The following NACAD variants were observed in gnomAD, a reference collection of about 807,000 sequenced individuals.
NACAD encodes the protein NAC alpha domain containing, also known as NAC-alpha domain-containing protein 1.
A neutral mutation model predicts 98.9 loss-of-function variants in NACAD; 47 were observed. That is an observed-to-expected ratio of 0.48 (90% CI 0.38 to 0.61). The LOEUF (loss-of-function observed/expected upper bound fraction) is 0.61. Among genes scored for constraint, NACAD ranks in the 20% least tolerant of loss-of-function variants. The pLI, the probability that NACAD is intolerant of heterozygous loss-of-function variation, is 0.00. For missense variants in NACAD, 1,412 were observed against 1,748.2 expected (o/e 0.81, Z 3.43); for synonymous variants, 696 against 767.2 (o/e 0.91, Z 1.53).
At position 45,082,738 on chromosome 7, in the gene NACAD, T is replaced by C; in HGVS notation, c.3442A>G (p.Ser1148Gly). ...GAAGACTCTGGGCAGGAGTCCAGACTGGCCTCTGTGGCCACAGCTGAGGGA... is the reference window on the plus strand; with the variant it reads ...GAAGACTCTGGGCAGGAGTCCAGACCGGCCTCTGTGGCCACAGCTGAGGGA... ...TLPSAVATEA[S>G]LDSCPESSVG... Residue 1148 changes from serine (S) to glycine (G), a missense_variant, in exon 2 of 8, where the codon AGT becomes GGT. Ser to Gly is a moderately conservative substitution (Grantham distance 56). Around this residue, in one of 5 missense-constraint regions of NACAD, gnomAD observed 572 missense variants for 639.6 expected, o/e 0.89. Coordinates refer to ENST00000490531, the MANE Select transcript of NACAD (RefSeq NM_001146334.2). This position sits in a 1 kb window ranked among gnomAD's most constrained non-coding sequence, Gnocchi z 4.5. 1 of 1,543,442 alleles carries C rather than the reference T, an allele frequency of 6.5e-7. No individual in the cohort carries two copies. The highest frequency in any genetic ancestry group is 2.4e-5 in the East Asian group (1 of 40,852).
At position 45,082,584 on chromosome 7, in the gene NACAD, C is replaced by T. The variant is rs1218814898; in HGVS notation, c.3596G>A (p.Ser1199Asn). The T allele has an allele frequency of 1.3e-6, 2 of 1,542,782 alleles. No individual in the cohort carries two copies. Among genetic ancestry groups the T allele is most frequent in the East Asian group, 2.4e-5 (1 of 40,828 alleles). Residue 1199 changes from serine to asparagine, a missense_variant, in exon 2 of 8, where the codon AGT becomes AAT. Coordinates refer to ENST00000490531, the MANE Select transcript of NACAD (RefSeq NM_001146334.2). This position sits in a 1 kb window ranked among gnomAD's most constrained non-coding sequence, Gnocchi z 4.5. ...CTGCAGCAAGGGGGTGCCAAGGACA[C>T]TGGGTACTTCGTGGGGTTGCTCAAC... is the stretch of plus-strand genomic sequence containing the variant. ...GSVEQPHEVP[S>N]VLGTPLLQPP...
rs764877585 is a variant in NACAD at position 45,085,766 on chromosome 7, C to G, written c.414G>C (p.Ala138=). 3 of 1,548,728 alleles carry G rather than the reference C, an allele frequency of 1.9e-6. No homozygotes were observed. The highest frequency in any genetic ancestry group is 1.2e-5 in the South Asian group (1 of 83,798). ...CGTGCCCACCCTCCTGGTCCCTGAG[C>G]GCTGTCCGGGCAGCTCTGGGTGACA... ...ALLSPRAART[A]LRDQEGGHAS... The change falls in exon 2 of 8, where the codon GCG becomes GCC. Residue 138 remains alanine, a synonymous_variant. Coordinates refer to ENST00000490531, the MANE Select transcript of NACAD (RefSeq NM_001146334.2). The surrounding 1 kb of genome is among the most constrained non-coding windows in gnomAD (Gnocchi z 6.1).
At position 45,088,733 on chromosome 7, in the gene NACAD, G is replaced by T. The variant is rs371752053; in HGVS notation, c.67+95C>A. Reference sequence around the variant, plus strand: ...GAGGGGACTCGAGGGGGGCCAGGGGGATGGGGGAGAGGGGTGAAAGGTGAG... The same window carrying T: ...GAGGGGACTCGAGGGGGGCCAGGGGTATGGGGGAGAGGGGTGAAAGGTGAG... On this transcript the variant is annotated intron_variant, in intron 1 of 7. Coordinates refer to ENST00000490531, the MANE Select transcript of NACAD (RefSeq NM_001146334.2). The surrounding 1 kb of genome is among the most constrained non-coding windows in gnomAD (Gnocchi z 5.7). 6 of 1,052,772 alleles carry T rather than the reference G, an allele frequency of 5.7e-6. No individual in the cohort carries two copies. The highest frequency in any genetic ancestry group is 7.6e-6 in the Non-Finnish European group (6 of 786,386). The allele number at this position is 1,052,772 out of a possible 1,614,324, so 65.2% of individuals were successfully genotyped here.
rs1562928625 is a variant in NACAD at position 45,085,246 on chromosome 7, GTA to G, written c.932_933del (p.Leu311ProfsTer42). 6.4e-7 allele frequency: 1 copy of G among 1,551,440 alleles called. No homozygotes were observed. The highest frequency in any genetic ancestry group is 2.0e-5 in the Admixed American group (1 of 51,012). ...TGAAAGATGAGGCTGCCCTGGAAGG[GTA>G]GGAGGGCTGCGGGGATCATTGGGTC... ...ANDPMIPAAL[L>X]PFQGSLIFQV... On this transcript the variant is annotated frameshift_variant, in exon 2 of 8. Transcript: ENST00000490531. LOFTEE classifies it high-confidence loss of function. This position sits in a 1 kb window ranked among gnomAD's most constrained non-coding sequence, Gnocchi z 6.1.
Position 45,085,690 on chromosome 7 carries a change from G to A in NACAD, c.490C>T (p.Pro164Ser). Residue 164 changes from proline (P) to serine (S), a missense_variant, in exon 2 of 8, where the codon CCT becomes TCT. By Grantham distance (74) the Pro-to-Ser change is moderately conservative. Coordinates refer to ENST00000490531, the MANE Select transcript of NACAD (RefSeq NM_001146334.2). The surrounding 1 kb of genome is among the most constrained non-coding windows in gnomAD (Gnocchi z 6.1). ...ELCSQGDLSV[P>S]SPPPDPDSFF... ...GAATCAGGGTCTGGGGGAGGGGAAG[G>A]CACAGAAAGATCACCCTGAGAACAC... The A allele has an allele frequency of 4.5e-6, 7 of 1,549,752 alleles. No individual in the cohort carries two copies. The highest frequency in any genetic ancestry group is 6.1e-6 in the Non-Finnish European group (7 of 1,146,700).
In NACAD at chr7:45,085,643, G is replaced by T; in HGVS notation, c.537C>A (p.Thr179=). Residue 179 remains threonine (T), a synonymous_variant, in exon 2 of 8, where the codon ACC becomes ACA. Coordinates refer to ENST00000490531, the MANE Select transcript of NACAD (RefSeq NM_001146334.2). This position sits in a 1 kb window ranked among gnomAD's most constrained non-coding sequence, Gnocchi z 6.1. ...GCAGGGCATAGGTGGTCTTGGTGGGGGTGGAGGGAGGCGTGAAGAAGGAAT... is the reference window on the plus strand; with the variant it reads ...GCAGGGCATAGGTGGTCTTGGTGGGTGTGGAGGGAGGCGTGAAGAAGGAAT... The part of the protein sequence containing the change: ...DPDSFFTPPS[T]PTKTTYALLP... 2 of 1,548,510 alleles carry T rather than the reference G, an allele frequency of 1.3e-6. No homozygotes were observed. Among genetic ancestry groups the T allele is most frequent in the Non-Finnish European group, 1.7e-6 (2 of 1,145,904 alleles).
In NACAD at chr7:45,085,340, G is replaced by A; in HGVS notation, c.840C>T (p.Leu280=). The A allele has an allele frequency of 1.3e-6, 2 of 1,550,904 alleles. No individual in the cohort carries two copies. The highest frequency in any genetic ancestry group is 2.4e-5 in the South Asian group (2 of 84,044). ...CCCAGGAGGAGCTGCTGTCTGCAGAGAGGCTGGACTCAGAGGACGGGGGCT... is the reference window on the plus strand; with the variant it reads ...CCCAGGAGGAGCTGCTGTCTGCAGAAAGGCTGGACTCAGAGGACGGGGGCT... ...TPEPPSSESS[L]SADSSSSWGQ... is the part of the protein sequence containing the mutation. The change falls in exon 2 of 8, where the codon CTC becomes CTT. Residue 280 remains leucine, a synonymous_variant. Transcript: ENST00000490531. This position sits in a 1 kb window ranked among gnomAD's most constrained non-coding sequence, Gnocchi z 6.1.
Position 45,082,285 on chromosome 7 carries a change from G to A in NACAD, c.3895C>T (p.Leu1299Phe), listed in dbSNP as rs1435035722. 3.2e-6 allele frequency: 5 copies of A among 1,550,628 alleles called. No individual in the cohort carries two copies. Among genetic ancestry groups the A allele is most frequent in the Non-Finnish European group, 8.7e-7 (1 of 1,146,958 alleles). ...QPLGTGPRVS[L>F]SPHSPLLSPK... ...CTGAGGAGTGGGGAGTGAGGCGAGA[G>A]GCTGACTCGCGGCCCAGTCCCCAGA... The change falls in exon 2 of 8, where the codon CTC becomes TTC. Residue 1299 changes from leucine to phenylalanine, a missense_variant. Around this residue, in one of 5 missense-constraint regions of NACAD, gnomAD observed 572 missense variants for 639.6 expected, o/e 0.89. Coordinates refer to ENST00000490531, the MANE Select transcript of NACAD (RefSeq NM_001146334.2). This position sits in a 1 kb window ranked among gnomAD's most constrained non-coding sequence, Gnocchi z 4.5.
rs895700377 is a variant in NACAD at position 45,082,281 on chromosome 7, G to A, written c.3899C>T (p.Ser1300Leu). The change falls in exon 2 of 8, where the codon TCG (serine) becomes TTG (leucine). Residue 1300 changes from serine to leucine, a missense_variant. Coordinates refer to ENST00000490531, the MANE Select transcript of NACAD (RefSeq NM_001146334.2). This position sits in a 1 kb window ranked among gnomAD's most constrained non-coding sequence, Gnocchi z 4.5. ...PLGTGPRVSL[S>L]PHSPLLSPKV... ...GGGGCTGAGGAGTGGGGAGTGAGGC[G>A]AGAGGCTGACTCGCGGCCCAGTCCC... is the stretch of plus-strand genomic sequence containing the variant. The A allele has an allele frequency of 1.1e-5, 17 of 1,550,554 alleles. No individual in the cohort carries two copies. In the East Asian group the frequency reaches 1.7e-4, roughly 16 times the overall value.
chr7:45,081,505 G>T, intron 4 of NACAD, 96 bp downstream of exon 4: 1 of 1,453,830 alleles, frequency 6.9e-7, no homozygotes. Context: ...CTGATGGATG[G>T]GATTTCATTA....
chr7:45,081,641 G>C lies in NACAD; in HGVS notation c.4217C>G (p.Ala1406Gly). ...APAGGSEETIAKAKQSRSEKK... is the reference protein window; with the variant it reads ...APAGGSEETIGKAKQSRSEKK... Reference sequence around the variant, plus strand: ...CTCACTGCGACTCTGCTTGGCTTTGGCGATGGTCTCCTCACTGCCGCCTGC... The same window carrying C: ...CTCACTGCGACTCTGCTTGGCTTTGCCGATGGTCTCCTCACTGCCGCCTGC... The change falls in exon 4 of 8, where the codon GCC (alanine) becomes GGC (glycine). Residue 1406 changes from alanine to glycine, a missense_variant. Ala to Gly is a moderately conservative substitution (Grantham distance 60). Around this residue, in one of 5 missense-constraint regions of NACAD, gnomAD observed 572 missense variants for 639.6 expected, o/e 0.89. Coordinates refer to ENST00000490531, the MANE Select transcript of NACAD (RefSeq NM_001146334.2). The C allele has an allele frequency of 6.4e-7, 1 of 1,551,432 alleles. No homozygotes were observed. The highest frequency in any genetic ancestry group is 8.7e-7 in the Non-Finnish European group (1 of 1,146,990).
In NACAD at chr7:45,080,908, A is replaced by T. The variant is rs188128267; in HGVS notation, c.4519T>A (p.Cys1507Ser). 3.6e-5 allele frequency: 56 copies of T among 1,556,078 alleles called. No individual in the cohort carries two copies. Among genetic ancestry groups the T allele is most frequent in the Middle Eastern group, 3.3e-4 (2 of 5,994 alleles). The change falls in exon 6 of 8, where the codon TGC becomes AGC. Residue 1507 changes from cysteine to serine, a missense_variant. Physicochemically the swap from Cys to Ser is moderately radical, Grantham distance 112 (BLOSUM62 -1). Around this residue, in one of 5 missense-constraint regions of NACAD, gnomAD observed 88 missense variants for 105.4 expected, o/e 0.84. Coordinates refer to ENST00000490531, the MANE Select transcript of NACAD (RefSeq NM_001146334.2). ...TCCTCCTCCTCTTCCTCTTCCTTGC[A>T]CTCCAGCCTCACCCGGGGCCTGGGT... is the stretch of plus-strand genomic sequence containing the variant. ...SAPRPRVRLE[C>S]KEEEEEEEEE...
Position 45,081,683 on chromosome 7 carries a change from G to A in NACAD, c.4186-11C>T. ...GCCGCCTGCTGGGGCCTGAGAAAAG[G>A]TGAGGGCTGAGCATCCATGGGTGGG... On this transcript the variant is annotated splice_polypyrimidine_tract_variant and intron_variant, in intron 3 of 7. Coordinates refer to ENST00000490531, the MANE Select transcript of NACAD (RefSeq NM_001146334.2). 1 of 1,551,410 alleles carries A rather than the reference G, an allele frequency of 6.4e-7. No individual in the cohort carries two copies. Among genetic ancestry groups the A allele is most frequent in the East Asian group, 2.4e-5 (1 of 40,896 alleles).
chr7:45,085,306 C>T lies in NACAD; in HGVS notation c.874G>A (p.Gly292Ser). Residue 292 changes from glycine (G) to serine (S), a missense_variant, in exon 2 of 8, where the codon GGC becomes AGC. Around this residue, in one of 5 missense-constraint regions of NACAD, gnomAD observed 638 missense variants for 722.7 expected, o/e 0.88. Coordinates refer to ENST00000490531, the MANE Select transcript of NACAD (RefSeq NM_001146334.2). The surrounding 1 kb of genome is among the most constrained non-coding windows in gnomAD (Gnocchi z 6.1). ...ADSSSSWGQE[G>S]HFFDLDFLAN... Reference sequence around the variant, plus strand: ...AGGAAGTCCAGGTCGAAGAAGTGGCCCTCCTGGCCCCAGGAGGAGCTGCTG... The same window carrying T: ...AGGAAGTCCAGGTCGAAGAAGTGGCTCTCCTGGCCCCAGGAGGAGCTGCTG... 1.3e-6 allele frequency: 2 copies of T among 1,551,124 alleles called. No individual in the cohort carries two copies. Among genetic ancestry groups the T allele is most frequent in the Non-Finnish European group, 1.7e-6 (2 of 1,146,926 alleles).
At chr7:45,080,589 A>T in intron 7 of NACAD, 51 bp downstream of exon 7, 1 of 1,551,324 alleles carries the variant, frequency 6.4e-7, no homozygotes, top group Non-Finnish European at 8.7e-7. Context: ...GGACCTCTCG[A>T]GGCCCTTGGG....
chr7:45,083,000 T>G lies in NACAD; in HGVS notation c.3180A>C (p.Thr1060=). Reference sequence around the variant, plus strand: ...GTGAGTCAGGCTTAGCCCCATCACCTGTGTGCGCTCGCGCTTCCAGACATG... The same window carrying G: ...GTGAGTCAGGCTTAGCCCCATCACCGGTGTGCGCTCGCGCTTCCAGACATG... ...REACLEARAH[T]GDGAKPDSPQ... Residue 1060 remains threonine, a synonymous_variant, in exon 2 of 8, where the codon ACA becomes ACC. Coordinates refer to ENST00000490531, the MANE Select transcript of NACAD (RefSeq NM_001146334.2). The surrounding 1 kb of genome is among the most constrained non-coding windows in gnomAD (Gnocchi z 4.5). The G allele has an allele frequency of 6.4e-7, 1 of 1,550,960 alleles. No individual in the cohort carries two copies. Among genetic ancestry groups the G allele is most frequent in the South Asian group, 1.2e-5 (1 of 84,070 alleles).
At position 45,082,813 on chromosome 7, in the gene NACAD, C is replaced by A; in HGVS notation, c.3367G>T (p.Ala1123Ser). 1 of 1,549,694 alleles carries A rather than the reference C, an allele frequency of 6.5e-7. No homozygotes were observed. The highest frequency in any genetic ancestry group is 8.7e-7 in the Non-Finnish European group (1 of 1,146,626). ...CCACTCAGGCCTCTTTCCTCCCTGGCTGGGCTCAGGAGCCGGGCCTGGCTG... is the reference window on the plus strand; with the variant it reads ...CCACTCAGGCCTCTTTCCTCCCTGGATGGGCTCAGGAGCCGGGCCTGGCTG... ...EVSQARLLSP[A>S]REERGLSGKS... The change falls in exon 2 of 8, where the codon GCC becomes TCC. Residue 1123 changes from alanine (A) to serine (S), a missense_variant. Ala to Ser is a moderately conservative substitution (Grantham distance 99). Transcript: ENST00000490531. The surrounding 1 kb of genome is among the most constrained non-coding windows in gnomAD (Gnocchi z 4.5).
Position 45,085,591 on chromosome 7 carries a change from C to T in NACAD, c.589G>A (p.Ala197Thr), listed in dbSNP as rs372371122. 32 of 1,549,682 alleles carry T rather than the reference C, an allele frequency of 2.1e-5. No homozygotes were observed. The highest frequency in any genetic ancestry group is 2.6e-5 in the Non-Finnish European group (30 of 1,146,682). The change falls in exon 2 of 8, where the codon GCC becomes ACC. Residue 197 changes from alanine (A) to threonine (T), a missense_variant. This residue lies in a region of NACAD where 638 missense variants were observed against 722.7 expected (regional missense o/e 0.88). Transcript: ENST00000490531. This position sits in a 1 kb window ranked among gnomAD's most constrained non-coding sequence, Gnocchi z 6.1. Reference protein sequence around the residue: ...LLPACGPHGDARDSEAELRDE... With the variant: ...LLPACGPHGDTRDSEAELRDE... ...CGCAGCTCAGCCTCTGAGTCCCTGGCGTCCCCGTGGGGCCCACAGGCAGGA... is the reference window on the plus strand; with the variant it reads ...CGCAGCTCAGCCTCTGAGTCCCTGGTGTCCCCGTGGGGCCCACAGGCAGGA...
rs1480600159 is a variant in NACAD at position 45,084,376 on chromosome 7, T to C, written c.1804A>G (p.Met602Val). ...EDLTLPQDSA[M>V]TPPLPLQDTD... is the part of the protein sequence containing the mutation. Reference sequence around the variant, plus strand: ...TCTTGTAGGGGCAGAGGCGGTGTCATAGCGGAGTCCTGGGGTAAGGTGAGG... The same window carrying C: ...TCTTGTAGGGGCAGAGGCGGTGTCACAGCGGAGTCCTGGGGTAAGGTGAGG... The change falls in exon 2 of 8, where the codon ATG becomes GTG. Residue 602 changes from methionine to valine, a missense_variant. Transcript: ENST00000490531. 1.4e-6 allele frequency: 2 copies of C among 1,425,214 alleles called. No individual in the cohort carries two copies. Among genetic ancestry groups the C allele is most frequent in the Admixed American group, 2.1e-5 (1 of 46,918 alleles). 88.3% of individuals were successfully genotyped at this position (1,425,214 alleles called of 1,614,324 possible).
Sources: gnomAD v4.1 joint callset for allele counts on GRCh38, gnomAD v4.1.1 for gene constraint, gnomAD v4.1.1 regional missense constraint, Gnocchi (gnomAD v3.1) non-coding constraint, MANE v1.5 for transcripts, NCBI Gene and HGNC (gene_info 2026-07-23, HGNC 2026-07-21) for gene names.